Variants in ADGRE1 observed in about 807,000 individuals in gnomAD.
ADGRE1 encodes the protein adhesion G protein-coupled receptor E1, also known as EGF-like module receptor 1.
In ADGRE1, 82 loss-of-function variants were observed where a neutral mutation model predicts 102.7. That is an observed-to-expected ratio of 0.80 (90% confidence interval 0.67 to 0.96). The LOEUF is 0.96. ADGRE1 is among the 40% of genes least tolerant of loss of function. The pLI, the probability that ADGRE1 is intolerant of heterozygous loss-of-function variation, is 0.00. For synonymous variants in ADGRE1, 398 were observed against 399.6 expected, an observed-to-expected ratio of 1.00 and a Z score of 0.05; for missense variants, 1,032 against 1,085.3, an observed-to-expected ratio of 0.95 and a Z score of 0.69.
intron 17 of ADGRE1, among the ~76,000 whole-genome samples, chr19:6,931,141 C>G (rs983706016): frequency 1.3e-5 from 2 of 151,232 alleles, no homozygotes; most frequent in African/African-American, 4.9e-5. Flanking sequence ...CATGAGTTCA[C>G]CTGTTTTAAA....
chr19:6,920,367 CCG>C (rs1974600788), intron 13 of ADGRE1, among the ~76,000 whole-genome samples: 1 of 151,554 alleles, frequency 6.6e-6, no homozygotes, highest in Non-Finnish European at 1.5e-5. Context: ...TTACAGGCGC[CCG>C]CCACCATGAC....
chr19:6,897,350 T>C, intron 4 of ADGRE1, 46 bp downstream of exon 4: 1 of 1,611,744 alleles, frequency 6.2e-7, no homozygotes, highest in East Asian at 2.2e-5. Flanking sequence ...TGGATATCTA[T>C]CAGTGGGGTG....
rs1975610560 is a variant in ADGRE1, at chr19:6,940,079, A to T, written c.*50A>T. On this transcript the variant is annotated 3_prime_UTR_variant, in exon 21 of 21. Coordinates refer to ENST00000312053, the MANE Select transcript of ADGRE1 (RefSeq NM_001974.5). ...CTATGGAGCCACAGTTGAGGACAGT[A>T]GTTTCCTGCAGGAGCCTACCCTGAA... The T allele has an allele frequency of 6.2e-7, 1 of 1,601,942 alleles. No individual in the cohort carries two copies. Among genetic ancestry groups the T allele is most frequent in the Non-Finnish European group, 8.5e-7 (1 of 1,170,652 alleles).
chr19:6,913,590 G>A, intron 10 of ADGRE1, 63 bp from the exon 11 acceptor site: 1 of 1,449,842 alleles, frequency 6.9e-7, no homozygotes, highest in East Asian at 2.4e-5. Flanking sequence ...TCAGAAAAGG[G>A]ACAGCTGTTA....
chr19:6,905,351 T>G lies in ADGRE1; in HGVS notation c.950-1082T>G, dbSNP rs575190991. Among the ~76,000 whole-genome samples the G allele has an allele frequency of 7.0e-5, 8 of 114,416 alleles. No homozygotes were observed. In the South Asian group the frequency reaches 1.6e-3, roughly 23 times the overall value. 75.1% of individuals were successfully genotyped at this position (114,416 alleles called of 152,430 possible). On this transcript the variant is annotated intron_variant, in intron 8 of 20. Transcript: ENST00000312053. ...TGACAGAGTGAGACCCTGTCTTTTG[T>G]TTTTTTTTCTTTTTTTTTTTTTATG...
intron 10 of ADGRE1, among the ~76,000 whole-genome samples, chr19:6,913,368 G>T (rs1974266728): frequency 6.6e-6 from 1 of 151,254 alleles, no homozygotes; most frequent in Non-Finnish European, 1.5e-5. Flanking sequence ...TTTTAGTAGA[G>T]ACAGGGTTTC....
Position 6,926,549 on chromosome 19 carries a change from G to C in ADGRE1, c.2170G>C (p.Val724Leu), listed in dbSNP as rs10406580. The C allele has an allele frequency of 2.3e-3, 3,759 of 1,614,240 alleles. 82 individuals are homozygous for C. In the African/African-American group the frequency reaches 0.044, roughly 19 times the overall value. Residue 724 changes from valine (V) to leucine (L), a missense_variant, in exon 16 of 21, where the codon GTG (valine) becomes CTG (leucine). Coordinates refer to ENST00000312053, the MANE Select transcript of ADGRE1 (RefSeq NM_001974.5). ...CTTTGGTTATGGGCTGCCGATGCTG[G>C]TGGTGGTGATCTCTGCCAGTGTGCA... ...CAFGYGLPML[V>L]VVISASVQPQ...
At chr19:6,918,446 A>C (rs1974487351) in intron 12 of ADGRE1, among the ~76,000 whole-genome samples, 1 of 152,116 alleles carries the variant, frequency 6.6e-6, no homozygotes, top group African/African-American at 2.4e-5. Flanking sequence ...GTCTCAAAAA[A>C]AAAAGAAGAT....
At chr19:6,908,564 G>C (rs570474270) in intron 9 of ADGRE1, 125 bp from the exon 10 acceptor site, 4 of 690,074 alleles carry the variant, frequency 5.8e-6, no homozygotes, top group Non-Finnish European at 9.4e-6. Context: ...GAGAATTCTA[G>C]AGACTCAGGA....
intron 8 of ADGRE1, among the ~76,000 whole-genome samples, chr19:6,906,053 G>A (rs1203186143): frequency 1.3e-5 from 2 of 152,164 alleles, no homozygotes; most frequent in Admixed American, 6.6e-5. Flanking sequence ...GACTATAGAT[G>A]TATGTCTTTT....
intron 17 of ADGRE1, chr19:6,928,418 G>C: frequency 7.8e-7 from 1 of 1,283,846 alleles, no homozygotes; most frequent in East Asian, 2.7e-5. Flanking sequence ...CTGAGGTCAG[G>C]AGTTCGAGAA....
intron 15 of ADGRE1, among the ~76,000 whole-genome samples, chr19:6,926,091 G>A (rs1248221187): frequency 1.3e-5 from 2 of 152,126 alleles, no homozygotes; most frequent in African/African-American, 4.8e-5. Context: ...TAGGGTGATC[G>A]ACAATCAGTT....
In ADGRE1 at chr19:6,896,537, C is replaced by T; in HGVS notation, c.234C>T (p.Cys78=). ...QNHFKDPGVR[C]KDIDECSQSP... ...ACTTCAAGGATCCAGGAGTGCGATG[C>T]AAAGGTGAGTTCATGTCCCCTCAAA... is the stretch of plus-strand genomic sequence containing the variant. The change falls in exon 3 of 21, where the codon TGC becomes TGT. Residue 78 remains cysteine, a synonymous_variant. Coordinates refer to ENST00000312053, the MANE Select transcript of ADGRE1 (RefSeq NM_001974.5). 1 of 1,613,888 alleles carries T rather than the reference C, an allele frequency of 6.2e-7. No individual in the cohort carries two copies. The highest frequency in any genetic ancestry group is 8.5e-7 in the Non-Finnish European group (1 of 1,179,886).
chr19:6,920,820 C>T (rs1199184501), intron 13 of ADGRE1, among the ~76,000 whole-genome samples: 1 of 152,064 alleles, frequency 6.6e-6, no homozygotes, highest in Non-Finnish European at 1.5e-5. Flanking sequence ...TTCTAGGATA[C>T]ATTCTTAAAG....
chr19:6,897,085 T>TC lies in ADGRE1; in HGVS notation c.239-64_239-63insC, dbSNP rs1393202134. On this transcript the variant is annotated intron_variant, in intron 3 of 20. Coordinates refer to ENST00000312053, the MANE Select transcript of ADGRE1 (RefSeq NM_001974.5). Reference sequence around the variant, plus strand: ...TATTGTTTTAACTTTTTTTTTTTTTTTTTTTGCAAAATACAGTCTTCTATC... The same window carrying TC: ...TATTGTTTTAACTTTTTTTTTTTTTTCTTTTTGCAAAATACAGTCTTCTATC... 1.8e-5 allele frequency: 23 copies of TC among 1,287,276 alleles called. No individual in the cohort carries two copies. In the Admixed American group the frequency reaches 5.7e-4, roughly 32 times the overall value. The allele number at this position is 1,287,276 out of a possible 1,614,324, so 79.7% of individuals were successfully genotyped here.
chr19:6,931,201 G>A (rs1471316145), intron 17 of ADGRE1, among the ~76,000 whole-genome samples: 2 of 151,882 alleles, frequency 1.3e-5, no homozygotes, highest in Admixed American at 1.3e-4. Flanking sequence ...GTCTTTCTGT[G>A]CCTAGTTTCA....
Position 6,896,397 on chromosome 19 carries a change from G to T in ADGRE1, c.95-1G>T, listed in dbSNP as rs1177784868. On this transcript the variant is annotated splice_acceptor_variant, in intron 2 of 20. Coordinates refer to ENST00000312053, the MANE Select transcript of ADGRE1 (RefSeq NM_001974.5). LOFTEE classifies it high-confidence loss of function. ...TAAACTTTTCTTTATACACTGCCTAGGTAATAACTGTAGAGACAGTACCTT... is the reference window on the plus strand; with the variant it reads ...TAAACTTTTCTTTATACACTGCCTATGTAATAACTGTAGAGACAGTACCTT... 6.2e-7 allele frequency: 1 copy of T among 1,613,736 alleles called. No individual in the cohort carries two copies. The highest frequency in any genetic ancestry group is 8.5e-7 in the Non-Finnish European group (1 of 1,179,748).
chr19:6,930,239 A>C (rs1975081718), intron 17 of ADGRE1, among the ~76,000 whole-genome samples: 1 of 152,104 alleles, frequency 6.6e-6, no homozygotes, highest in Non-Finnish European at 1.5e-5. Context: ...AATTAGGAGG[A>C]ATTGTGGGGG....
intron 20 of ADGRE1, among the ~76,000 whole-genome samples, chr19:6,939,180 G>A (rs911301015): frequency 5.9e-5 from 9 of 152,038 alleles, no homozygotes; most frequent in Non-Finnish European, 1.3e-4. Context: ...CACCCCACTG[G>A]AAAAATTGCC....
Sources: gnomAD v4.1 joint callset for allele counts (sites outside exome capture counted in the v4.1 genomes callset) on GRCh38, gnomAD v4.1.1 for gene constraint, MANE v1.5 for transcripts, NCBI Gene and HGNC (gene_info 2026-07-23, HGNC 2026-07-21) for gene names.